The following CRADD variants were observed in gnomAD, a reference collection of about 807,000 sequenced individuals.
The protein encoded by CRADD is death domain-containing protein CRADD.
A neutral mutation model predicts 15.5 loss-of-function variants in CRADD; 9 were observed. That is an observed-to-expected ratio of 0.58 (90% CI 0.35 to 1.01). CRADD has a LOEUF of 1.01. CRADD is among the 50% of genes least tolerant of loss of function. The probability of loss-of-function intolerance (pLI) is 0.02; values close to 1 mark genes in which losing one functional copy is unlikely to be tolerated. For missense variants in CRADD, 227 were observed against 250.3 expected, an observed-to-expected ratio of 0.91 and a Z score of 0.63; for synonymous variants, 118 against 107.6, an observed-to-expected ratio of 1.10 and a Z score of -0.60.
At chr12:93,730,464 A>AT (rs1002750991) in intron 2 of CRADD, among the ~76,000 whole-genome samples, 4 of 152,156 alleles carry the variant, frequency 2.6e-5, no homozygotes, top group Admixed American at 2.0e-4. Context: ...AACTGGCATG[A>AT]TTTTTCTGGA....
chr12:93,736,323 T>A (rs1293964654), intron 2 of CRADD, among the ~76,000 whole-genome samples: 1 of 152,176 alleles, frequency 6.6e-6, no homozygotes, highest in Non-Finnish European at 1.5e-5. Flanking sequence ...TTCCTATTAT[T>A]TTTGTCCATG....
intron 2 of CRADD, among the ~76,000 whole-genome samples, chr12:93,713,227 A>G (rs1956105198): frequency 1.3e-5 from 2 of 152,092 alleles, no homozygotes; most frequent in Non-Finnish European, 2.9e-5. Context: ...TGGCACCATG[A>G]TATTTTGCCA....
intron 2 of CRADD, among the ~76,000 whole-genome samples, chr12:93,696,440 T>C (rs1955708675): frequency 1.3e-5 from 2 of 152,220 alleles, no homozygotes; most frequent in African/African-American, 4.8e-5. Context: ...ACAACATGGA[T>C]GAACCTAGGT....
chr12:93,790,732 T>A (rs1173538696), intron 2 of CRADD: 1 of 152,088 alleles, frequency 6.6e-6, no homozygotes, highest in East Asian at 1.9e-4. Context: ...TATAATAAAT[T>A]TGAAAAACCA....
chr12:93,708,994 CT>C (rs1288115811), intron 2 of CRADD: 1 of 152,208 alleles, frequency 6.6e-6, no homozygotes, highest in Non-Finnish European at 1.5e-5. Flanking sequence ...CTCTCTCGGG[CT>C]TCTTTTATAT....
At chr12:93,791,185 T>C (rs1405159984) in intron 2 of CRADD, among the ~76,000 whole-genome samples, 1 of 152,046 alleles carries the variant, frequency 6.6e-6, no homozygotes, top group African/African-American at 2.4e-5. Flanking sequence ...TCCAAAGAAA[T>C]TGAAATTGGT....
intron 2 of CRADD, chr12:93,846,590 A>ACACACACACGCGCG (rs1555228781): frequency 4.7e-4 from 68 of 145,870 alleles, no homozygotes; most frequent in African/African-American, 1.6e-3. Flanking sequence ...GAACACACAC[A>ACACACACACGCGCG]CACACACACA....
chr12:93,679,694 G>A (rs561847097), intron 2 of CRADD, among the ~76,000 whole-genome samples: 1 of 152,214 alleles, frequency 6.6e-6, no homozygotes, highest in East Asian at 1.9e-4. Flanking sequence ...TCATCAGAGA[G>A]CCAGGTCATA....
intron 2 of CRADD, among the ~76,000 whole-genome samples, chr12:93,705,107 C>G (rs73218896): frequency 0.016 from 2,484 of 152,320 alleles, 24 homozygotes; most frequent in South Asian, 0.032. Context: ...TTTCCCTTCT[C>G]TAGACTGTAA....
At chr12:93,685,355 A>C (rs139296563) in intron 2 of CRADD, among the ~76,000 whole-genome samples, 1 of 152,166 alleles carries the variant, frequency 6.6e-6, no homozygotes, top group African/African-American at 2.4e-5. Context: ...AATAAGTTCT[A>C]ATGTCCTAGC....
At chr12:93,747,789 C>T (rs1162805412) in intron 2 of CRADD, among the ~76,000 whole-genome samples, 1 of 152,122 alleles carries the variant, frequency 6.6e-6, no homozygotes, top group East Asian at 1.9e-4. Context: ...CCTTTTAATG[C>T]TAGGGCAAGG....
intron 2 of CRADD, among the ~76,000 whole-genome samples, chr12:93,724,529 C>A (rs185329948): frequency 6.6e-6 from 1 of 152,298 alleles, no homozygotes; most frequent in South Asian, 2.1e-4. Flanking sequence ...GTTTGTTCAG[C>A]CTTTTTACTT....
At chr12:93,738,348 C>T (rs1477492730) in intron 2 of CRADD, 4 of 702,204 alleles carry the variant, frequency 5.7e-6, no homozygotes, top group Non-Finnish European at 1.0e-5. Context: ...TTTTTGAAGC[C>T]TGTTGACAAT....
intron 2 of CRADD, among the ~76,000 whole-genome samples, chr12:93,871,163 G>A (rs372521100): frequency 6.6e-6 from 1 of 152,074 alleles, no homozygotes; most frequent in Non-Finnish European, 1.5e-5. Context: ...TTAACCTAAC[G>A]ACTTAATATT....
chr12:93,763,914 C>A (rs1956997786), intron 2 of CRADD, among the ~76,000 whole-genome samples: 1 of 152,144 alleles, frequency 6.6e-6, no homozygotes, highest in Non-Finnish European at 1.5e-5. Context: ...TACCTGTGGC[C>A]TTCTTGTTAA....
chr12:93,888,075 G>A lies in CRADD; in HGVS notation c.299-5975G>A, dbSNP rs189673897. The stretch of plus-strand genomic sequence containing the variant: ...AACATGCACAAAGGAATAGGGATGA[G>A]AGAATGGGGTGTGTTTGGGGAACTG... On this transcript the variant is annotated intron_variant, in intron 2 of 2. Coordinates refer to the CRADD transcript ENST00000548483. Among the ~76,000 whole-genome samples, 22 of 152,308 alleles carry A rather than the reference G, an allele frequency of 1.4e-4. No homozygotes were observed. The East Asian group carries it at 4.2e-3, about 29-fold the overall frequency.
chr12:93,686,357 G>A (rs999897364), intron 2 of CRADD, among the ~76,000 whole-genome samples: 1 of 150,858 alleles, frequency 6.6e-6, no homozygotes, highest in Non-Finnish European at 1.5e-5. Context: ...TGAGGATGTG[G>A]CCAAAAGTTG....
chr12:93,781,586 G>A (rs970100527), intron 2 of CRADD, among the ~76,000 whole-genome samples: 1 of 152,170 alleles, frequency 6.6e-6, no homozygotes, highest in Non-Finnish European at 1.5e-5. Context: ...CACTAAAAGT[G>A]GAACAGCCGA....
intron 2 of CRADD, among the ~76,000 whole-genome samples, chr12:93,696,943 A>G (rs1955721820): frequency 1.3e-5 from 2 of 152,178 alleles, no homozygotes; most frequent in South Asian, 2.1e-4. Context: ...GGACTTGAGC[A>G]TCCATGGATT....
Sources: allele counts gnomAD v4.1 joint callset (sites outside exome capture counted in the v4.1 genomes callset), GRCh38; gene constraint gnomAD v4.1.1; transcripts MANE v1.5; gene names NCBI Gene and HGNC (gene_info 2026-07-23, HGNC 2026-07-21).